The following TAF2 variants were observed in gnomAD, a reference collection of about 807,000 sequenced individuals.
TAF2 encodes transcription initiation factor TFIID subunit 2.
TAF2 carries 61 observed loss-of-function variants against 138.5 expected under a neutral mutation model. The observed-to-expected ratio is 0.44, with a 90% CI of 0.36 to 0.54. The LOEUF (loss-of-function observed/expected upper bound fraction) is 0.54. TAF2 is among the 20% of genes least tolerant of loss of function. The pLI, the probability that TAF2 is intolerant of heterozygous loss-of-function variation, is 0.00. For missense variants in TAF2, 1,090 were observed against 1,427.9 expected, an observed-to-expected ratio of 0.76 and a Z score of 3.81; for synonymous variants, 475 against 469.9, an observed-to-expected ratio of 1.01 and a Z score of -0.14.
At position 119,797,823 on chromosome 8, in the gene TAF2, T is replaced by G. The variant is rs762058128; in HGVS notation, c.816A>C (p.Gln272His). 2 of 1,613,376 alleles carry G rather than the reference T, an allele frequency of 1.2e-6. No homozygotes were observed. The highest frequency in any genetic ancestry group is 1.7e-5 in the Admixed American group (1 of 59,946). ...MHEVTHFCLPQLLPLLKHTTS... is the reference protein window; with the variant it reads ...MHEVTHFCLPHLLPLLKHTTS... ...TGGTATGTTTCAGCAATGGAAGAAG[T>G]TGGGGCAAACAAAAATGAGTAACCT... is the stretch of plus-strand genomic sequence containing the variant. The change falls in exon 7 of 26, where the codon CAA becomes CAC. Residue 272 changes from glutamine to histidine, a missense_variant. Gln to His is a conservative substitution (Grantham distance 24). Transcript: ENST00000378164.
chr8:119,811,634 G>A (rs1016205091), intron 3 of TAF2, among the ~76,000 whole-genome samples: 6 of 151,420 alleles, frequency 4.0e-5, no homozygotes, highest in Non-Finnish European at 7.4e-5. Flanking sequence ...GTGAAACCCC[G>A]TCTCTACTAA....
intron 2 of TAF2, among the ~76,000 whole-genome samples, chr8:119,824,752 C>T (rs998829088): frequency 6.6e-6 from 1 of 152,236 alleles, no homozygotes; most frequent in African/African-American, 2.4e-5. Flanking sequence ...TCAGATGGTA[C>T]AAGCCTCAAG....
Position 119,732,035 on chromosome 8 carries a change from A to T in TAF2, c.3489T>A (p.His1163Gln). 6.2e-7 allele frequency: 1 copy of T among 1,614,068 alleles called. No homozygotes were observed. Among genetic ancestry groups the T allele is most frequent in the Non-Finnish European group, 8.5e-7 (1 of 1,180,002 alleles). The stretch of plus-strand genomic sequence containing the variant: ...CATGCTTATGCTTGTGTTTGTGCTT[A>T]TGTTTATGCTTCTTCTTCTTTTTCT... Reference protein sequence around the residue: ...EHKKKKKKHKHKHKHKHKHDS... With the variant: ...EHKKKKKKHKQKHKHKHKHDS... The change falls in exon 26 of 26, where the codon CAT becomes CAA. Residue 1163 changes from histidine (H) to glutamine (Q), a missense_variant. His to Gln is a conservative substitution (Grantham distance 24, BLOSUM62 0). Around this residue, in one of 3 missense-constraint regions of TAF2, gnomAD observed 580 missense variants for 719.6 expected, o/e 0.81. Transcript: ENST00000378164.
chr8:119,831,929 G>A (rs545597752), intron 1 of TAF2, among the ~76,000 whole-genome samples, 198 bp from the exon 2 acceptor site: 11 of 152,208 alleles, frequency 7.2e-5, no homozygotes, highest in African/African-American at 2.4e-4. Context: ...GGGAGGCCAC[G>A]GCAAGCGGAT....
At chr8:119,830,736 C>T (rs1321174059) in intron 2 of TAF2, among the ~76,000 whole-genome samples, 1 of 152,166 alleles carries the variant, frequency 6.6e-6, no homozygotes, top group African/African-American at 2.4e-5. Flanking sequence ...GATACCATCA[C>T]TCAAGGAAAA....
chr8:119,762,722 CA>C, intron 18 of TAF2, 114 bp from the exon 19 acceptor site: 1 of 899,068 alleles, frequency 1.1e-6, no homozygotes, highest in Non-Finnish European at 1.7e-6. Flanking sequence ...TCCCAAAACA[CA>C]AGCAAGTCCT....
chr8:119,825,632 T>C (rs1456505365), intron 2 of TAF2, among the ~76,000 whole-genome samples: 1 of 152,242 alleles, frequency 6.6e-6, no homozygotes, highest in East Asian at 1.9e-4. Flanking sequence ...TGGGGGCAAG[T>C]CTTTCCTGTG....
Position 119,780,205 on chromosome 8 carries a change from C to T in TAF2, c.2253+848G>A, listed in dbSNP as rs1034903075. ...GTATGATATCCAAATAGCTCAAATG[C>T]TGACCATCCTGTCATTCCCATATCC... On this transcript the variant is annotated intron_variant, in intron 17 of 25. Coordinates refer to ENST00000378164, the MANE Select transcript of TAF2 (RefSeq NM_003184.4). 2.0e-5 allele frequency among the ~76,000 whole-genome samples: 3 copies of T among 152,152 alleles called. No individual in the cohort carries two copies. The East Asian group carries it at 5.8e-4, about 29-fold the overall frequency.
chr8:119,762,085 T>C (rs1028394068), intron 19 of TAF2, among the ~76,000 whole-genome samples: 2 of 152,144 alleles, frequency 1.3e-5, no homozygotes, highest in East Asian at 1.9e-4. Flanking sequence ...AGAATGTTTA[T>C]ATAAAATCCA....
intron 2 of TAF2, among the ~76,000 whole-genome samples, chr8:119,827,861 A>G (rs905752080): frequency 3.3e-5 from 5 of 151,504 alleles, no homozygotes; most frequent in African/African-American, 9.7e-5. Context: ...CTCCTGCCTC[A>G]GCCTCCCAAG....
intron 18 of TAF2, among the ~76,000 whole-genome samples, chr8:119,763,236 C>CACAT (rs1477459123): frequency 6.6e-6 from 1 of 152,150 alleles, no homozygotes; most frequent in African/African-American, 2.4e-5. Flanking sequence ...AAAAGCAAGG[C>CACAT]ACATACAAAC....
At chr8:119,765,798 A>C (rs970956682) in intron 18 of TAF2, among the ~76,000 whole-genome samples, 1 of 152,246 alleles carries the variant, frequency 6.6e-6, no homozygotes, top group African/African-American at 2.4e-5. Context: ...GATAGGTAAC[A>C]TAACTGTCGG....
chr8:119,788,655 A>G, intron 13 of TAF2, 135 bp downstream of exon 13: 1 of 812,034 alleles, frequency 1.2e-6, no homozygotes, highest in Non-Finnish European at 2.1e-6. Context: ...CTTCTTTGAC[A>G]AAGTCAATGT....
In TAF2 at chr8:119,829,862, T is replaced by G. The variant is rs527288932; in HGVS notation, c.138+1815A>C. ...ACTTAACCTCCATTCTTTTTTTAGT[T>G]TTTTTTTTTTTTTTTGAGACGGAGT... is the stretch of plus-strand genomic sequence containing the variant. On this transcript the variant is annotated intron_variant, in intron 2 of 25. Coordinates refer to ENST00000378164, the MANE Select transcript of TAF2 (RefSeq NM_003184.4). 3.4e-3 allele frequency among the ~76,000 whole-genome samples: 465 copies of G among 137,560 alleles called. 5 individuals are homozygous for G. Among genetic ancestry groups the G allele is most frequent in the African/African-American group, 0.012 (405 of 34,488 alleles). 90.2% of individuals were successfully genotyped at this position (137,560 alleles called of 152,430 possible).
intron 25 of TAF2, 111 bp downstream of exon 25, chr8:119,742,423 T>C: frequency 7.2e-7 from 1 of 1,393,402 alleles, no homozygotes; most frequent in Non-Finnish European, 9.8e-7. Context: ...AAAAGCCAAG[T>C]CCTAAGATCT....
chr8:119,744,244 C>G, intron 24 of TAF2, 44 bp downstream of exon 24: 1 of 1,519,756 alleles, frequency 6.6e-7, no homozygotes, highest in African/African-American at 1.4e-5. Flanking sequence ...CTGACATCAA[C>G]CAATGTCTCC....
At position 119,804,003 on chromosome 8, in the gene TAF2, C is replaced by T. The variant is rs1249871250; in HGVS notation, c.435G>A (p.Lys145=). 8.7e-6 allele frequency: 14 copies of T among 1,613,882 alleles called. No homozygotes were observed. Among genetic ancestry groups the T allele is most frequent in the Non-Finnish European group, 1.1e-5 (13 of 1,180,016 alleles). ...GATCCAAAGAAAAATTGATGTGTAT[C>T]TTCAGGACCTTTAACTCTGCAACAA... ...WKHVDELKVL[K]IHINFSLDQP... Residue 145 remains lysine, a synonymous_variant, in exon 5 of 26, where the codon AAG becomes AAA. Transcript: ENST00000378164.
At chr8:119,747,186 C>T (rs947696751) in intron 22 of TAF2, among the ~76,000 whole-genome samples, 2 of 152,140 alleles carry the variant, frequency 1.3e-5, no homozygotes, top group African/African-American at 2.4e-5. Context: ...CTCTGTTCAT[C>T]GTGTCTGATT....
rs528169290 is a variant in TAF2 at position 119,799,201 on chromosome 8, C to A, written c.793-1355G>T. ...TATACTTTAAGTTCTACGGTACATG[C>A]GTACAATGTGCAGGTTAAATATGTA... On this transcript the variant is annotated intron_variant, in intron 6 of 25. Transcript: ENST00000378164. Among the ~76,000 whole-genome samples the A allele has an allele frequency of 3.3e-5, 5 of 152,096 alleles. No individual in the cohort carries two copies. The South Asian group carries it at 1.0e-3, about 32-fold the overall frequency.
Sources: allele counts gnomAD v4.1 joint callset (sites outside exome capture counted in the v4.1 genomes callset), GRCh38; gene constraint gnomAD v4.1.1; regional missense constraint gnomAD v4.1.1; transcripts MANE v1.5; gene names NCBI Gene and HGNC (gene_info 2026-07-23, HGNC 2026-07-21).